WDR54: variants seen among roughly 807,000 people sequenced by gnomAD.
WDR54 encodes the protein WD repeat domain 54.
Under a neutral mutation model 44.1 loss-of-function variants are expected in WDR54, and 44 were observed. That is an observed-to-expected ratio of 1.00 (90% CI 0.78 to 1.28). The LOEUF (loss-of-function observed/expected upper bound fraction) is 1.28, where lower values mean the gene tolerates loss of function less well. WDR54 is among the 50% of genes most tolerant of loss of function. The pLI is 0.00. For missense variants in WDR54, 409 were observed against 429.7 expected, an observed-to-expected ratio of 0.95 and a Z score of 0.43; for synonymous variants, 169 against 169.8, an observed-to-expected ratio of 1.00 and a Z score of 0.04.
chr2:74,422,008 C>T, intron 1 of WDR54, 145 bp from the exon 2 acceptor site: 1 of 799,242 alleles, frequency 1.3e-6, no homozygotes, highest in Non-Finnish European at 2.0e-6. Context: ...CTCCTCGAGA[C>T]CCTCCCCCAT....
rs141112100 is a variant in WDR54 at position 74,424,644 on chromosome 2, G to A, written c.535-231G>A. On this transcript the variant is annotated intron_variant, in intron 6 of 9. Transcript: ENST00000348227. ...AGGCAATTATGCACCCCCTCCTAAT[G>A]TTATTGGGGGATGGGACTCCATGAA... Among the ~76,000 whole-genome samples the A allele has an allele frequency of 3.2e-3, 490 of 152,282 alleles. 3 individuals carry two copies. Among genetic ancestry groups the A allele is most frequent in the African/African-American group, 0.011 (470 of 41,560 alleles).
In WDR54 at chr2:74,425,414, C is replaced by T; in HGVS notation, c.799-3C>T. On this transcript the variant is annotated splice_region_variant and splice_polypyrimidine_tract_variant and intron_variant, in intron 8 of 9. Coordinates refer to ENST00000348227, the MANE Select transcript of WDR54 (RefSeq NM_032118.4). ...TCTGACTCCCCCTCTTCCTCCTCCACAGCTACTCTCTGCAGGTGAGGACAC... is the reference window on the plus strand; with the variant it reads ...TCTGACTCCCCCTCTTCCTCCTCCATAGCTACTCTCTGCAGGTGAGGACAC... The T allele has an allele frequency of 6.2e-7, 1 of 1,614,182 alleles. No individual in the cohort carries two copies. The highest frequency in any genetic ancestry group is 8.5e-7 in the Non-Finnish European group (1 of 1,180,000).
Position 74,425,609 on chromosome 2 carries a change from CT to C in WDR54, c.914del (p.Leu305ArgfsTer16). 1 of 1,614,234 alleles carries C rather than the reference CT, an allele frequency of 6.2e-7. No individual in the cohort carries two copies. Among genetic ancestry groups the C allele is most frequent in the South Asian group, 1.1e-5 (1 of 91,088 alleles). On this transcript the variant is annotated frameshift_variant, in exon 10 of 10. Coordinates refer to ENST00000348227, the MANE Select transcript of WDR54 (RefSeq NM_032118.4). LOFTEE classifies it high-confidence loss of function. Reference sequence around the variant, plus strand: ...TGGTGAGTGTGTCGCCGACACCCAGCTGTGTGGTGCTCGATTTTGTGATTCC... The same window carrying C: ...TGGTGAGTGTGTCGCCGACACCCAGCGTGTGGTGCTCGATTTTGTGATTCC... ...CHGECVADTQ[L>X]CGARFCDSSG...
Position 74,425,562 on chromosome 2 carries a change from T to A in WDR54, c.874-8T>A. On this transcript the variant is annotated splice_region_variant and splice_polypyrimidine_tract_variant and intron_variant, in intron 9 of 9. Coordinates refer to ENST00000348227, the MANE Select transcript of WDR54 (RefSeq NM_032118.4). ...CAGCAGGCCCTGACGAGCCCTCTGCTCCCCCAGGTGGAACACTGTCATGGT... is the reference window on the plus strand; with the variant it reads ...CAGCAGGCCCTGACGAGCCCTCTGCACCCCCAGGTGGAACACTGTCATGGT... 1 of 1,614,056 alleles carries A rather than the reference T, an allele frequency of 6.2e-7. No homozygotes were observed. The highest frequency in any genetic ancestry group is 1.1e-5 in the South Asian group (1 of 91,070).
rs751561916 is a variant in WDR54 at position 74,425,274 on chromosome 2, C to T, written c.798+37C>T. ...CCTCTGTACCTACATACCCTTTTTC[C>T]TGGCAGTGGAATGTTGAGAGAACAC... On this transcript the variant is annotated intron_variant, in intron 8 of 9. Transcript: ENST00000348227. 14 of 1,533,550 alleles carry T rather than the reference C, an allele frequency of 9.1e-6. No homozygotes were observed. The Admixed American group carries it at 2.9e-4, about 31-fold the overall frequency. 95.0% of individuals were successfully genotyped at this position (1,533,550 alleles called of 1,614,324 possible). A position where few individuals can be genotyped will look rare whatever the true frequency, so the allele number is the denominator to read the frequency against.
rs780869524 is a variant in WDR54, at chr2:74,422,427, CT to C, written c.222+56del. The C allele has an allele frequency of 1.3e-5, 20 of 1,546,242 alleles. No individual in the cohort carries two copies. In the South Asian group the frequency reaches 2.0e-4, roughly 16 times the overall value. On this transcript the variant is annotated intron_variant, in intron 2 of 9. Transcript: ENST00000348227. ...TGCTGAACCCAGTCCTACCCCCAGCCTTTTCTCTCCAAACCTTCAGGAGCAG... is the reference window on the plus strand; with the variant it reads ...TGCTGAACCCAGTCCTACCCCCAGCCTTTCTCTCCAAACCTTCAGGAGCAG...
intron 2 of WDR54, 169 bp downstream of exon 2, chr2:74,422,544 C>A: frequency 1.2e-6 from 1 of 831,386 alleles, no homozygotes; most frequent in Non-Finnish European, 1.8e-6. Context: ...CCTGTAATCC[C>A]AACACTTTGG....
rs548125349 is a variant in WDR54 at position 74,425,518 on chromosome 2, G to A, written c.873+27G>A. The A allele has an allele frequency of 1.9e-6, 3 of 1,614,172 alleles. No individual in the cohort carries two copies. In the Admixed American group the frequency reaches 5.0e-5, roughly 27 times the overall value. On this transcript the variant is annotated intron_variant, in intron 9 of 9. Transcript: ENST00000348227. ...TATGTGTCATGGGGTGGGTGGAATG[G>A]GGGGGCCCAAGCATGGGGCAGCAGG...
chr2:74,421,964 C>T (rs939708761), intron 1 of WDR54, 148 bp downstream of exon 1: 2 of 628,448 alleles, frequency 3.2e-6, no homozygotes, highest in South Asian at 1.9e-5. Context: ...ATTCCCCCGT[C>T]GCCCCAAAAC....
At position 74,425,587 on chromosome 2, in the gene WDR54, T is replaced by A. The variant is rs1316874677; in HGVS notation, c.891T>A (p.Gly297=). The A allele has an allele frequency of 1.9e-6, 3 of 1,614,080 alleles. No homozygotes were observed. In the African/African-American group the frequency reaches 4.0e-5, roughly 22 times the overall value. The part of the protein sequence containing the change: ...SGYIEVEHCH[G]ECVADTQLCG... ...TCCCCCAGGTGGAACACTGTCATGG[T>A]GAGTGTGTCGCCGACACCCAGCTGT... Residue 297 remains glycine (G), a synonymous_variant, in exon 10 of 10, where the codon GGT becomes GGA. Transcript: ENST00000348227.
chr2:74,424,741 C>G (rs1158863749), intron 6 of WDR54, 134 bp from the exon 7 acceptor site: 1 of 1,068,730 alleles, frequency 9.4e-7, no homozygotes, highest in African/African-American at 1.5e-5. Context: ...ATGGGTCTAG[C>G]TAGTGAGAGC....
rs771081461 is a variant in WDR54 at position 74,422,239 on chromosome 2, G to C, written c.86G>C (p.Arg29Pro). The change falls in exon 2 of 10, where the codon CGC becomes CCC. Residue 29 changes from arginine (R) to proline (P), a missense_variant. Transcript: ENST00000348227. ...NNLSVLQLPA[R>P]NLTYFGVVHG... ...CTCAGTGTGCTGCAGCTGCCGGCTC[G>C]CAACCTCACGTATTTTGGCGTGGTT... 2 of 1,614,120 alleles carry C rather than the reference G, an allele frequency of 1.2e-6. No individual in the cohort carries two copies. Among genetic ancestry groups the C allele is most frequent in the Admixed American group, 1.7e-5 (1 of 60,034 alleles).
In WDR54 at chr2:74,422,621, C is replaced by T; in HGVS notation, c.222+246C>T. ...CCTGGCCAACATGGTGAAACCTCTTCTCTACTAAGAATACAAAAAAAATTA... is the reference window on the plus strand; with the variant it reads ...CCTGGCCAACATGGTGAAACCTCTTTTCTACTAAGAATACAAAAAAAATTA... On this transcript the variant is annotated intron_variant, in intron 2 of 9. Coordinates refer to ENST00000348227, the MANE Select transcript of WDR54 (RefSeq NM_032118.4). The T allele has an allele frequency of 8.2e-6, 5 of 611,832 alleles. No individual in the cohort carries two copies. The South Asian group carries it at 1.0e-4, about 12-fold the overall frequency. The allele number at this position is 611,832 out of a possible 1,614,324, so 37.9% of individuals were successfully genotyped here.
chr2:74,424,816 C>A, intron 6 of WDR54, 59 bp from the exon 7 acceptor site: 2 of 1,602,714 alleles, frequency 1.2e-6, no homozygotes, highest in Non-Finnish European at 1.7e-6. Context: ...CCCTCCTGCC[C>A]TGTATACAGG....
chr2:74,422,943 G>A lies in WDR54; in HGVS notation c.285+11G>A. The A allele has an allele frequency of 6.2e-7, 1 of 1,614,036 alleles. No homozygotes were observed. The highest frequency in any genetic ancestry group is 1.7e-5 in the Admixed American group (1 of 60,014). The stretch of plus-strand genomic sequence containing the variant: ...CATCGAGGAATACAGGTAAGAAGAG[G>A]ACTCTCCTGCTTGCCCCACCAGAGC... On this transcript the variant is annotated intron_variant, in intron 3 of 9. Transcript: ENST00000348227.
At chr2:74,424,833 G>T (rs1421977686) in intron 6 of WDR54, 42 bp from the exon 7 acceptor site, 2 of 1,609,808 alleles carry the variant, frequency 1.2e-6, no homozygotes, top group African/African-American at 1.3e-5. Context: ...CAGGACCATA[G>T]CAGGGGAGAA....
At chr2:74,423,210 TC>T in intron 3 of WDR54, 108 bp from the exon 4 acceptor site, 1 of 1,303,940 alleles carries the variant, frequency 7.7e-7, no homozygotes, top group Non-Finnish European at 1.1e-6. Context: ...AGTACCTACA[TC>T]CCAGATTTGT....
chr2:74,425,296 A>C (rs1385773905), intron 8 of WDR54, 59 bp downstream of exon 8: 1 of 1,545,460 alleles, frequency 6.5e-7, no homozygotes, highest in East Asian at 2.3e-5. Flanking sequence ...TGTTGAGAGA[A>C]CACCACAGGC....
In WDR54 at chr2:74,424,898, G is replaced by A. The variant is rs374027089; in HGVS notation, c.558G>A (p.Thr186=). 1.1e-5 allele frequency: 18 copies of A among 1,614,062 alleles called. No individual in the cohort carries two copies. The highest frequency in any genetic ancestry group is 2.2e-5 in the South Asian group (2 of 91,074). Residue 186 remains threonine (T), a synonymous_variant, in exon 7 of 10, where the codon ACG becomes ACA. Transcript: ENST00000348227. The part of the protein sequence containing the change: ...QGQDCVADMV[T]ADDSGLLCVW... ...AGGATTGTGTGGCTGACATGGTGAC[G>A]GCAGATGACTCAGGCTTGCTGTGTG...
Sources: gnomAD v4.1 joint callset for allele counts (sites outside exome capture counted in the v4.1 genomes callset) on GRCh38, gnomAD v4.1.1 for gene constraint, MANE v1.5 for transcripts, NCBI Gene and HGNC (gene_info 2026-07-23, HGNC 2026-07-21) for gene names.